DYNLT3: variants seen among roughly 807,000 people sequenced by gnomAD.
The protein encoded by DYNLT3 is protein 91/23.
A neutral mutation model predicts 11.0 loss-of-function variants in DYNLT3; 4 were observed. That is an observed-to-expected ratio of 0.36 (90% CI 0.18 to 0.83). DYNLT3 has a LOEUF of 0.83. Among genes scored for constraint, DYNLT3 ranks in the 40% least tolerant of loss-of-function variants. The probability of loss-of-function intolerance (pLI) is 0.47; values close to 1 mark genes in which losing one functional copy is unlikely to be tolerated. For synonymous variants in DYNLT3, 37 were observed against 31.2 expected, an observed-to-expected ratio of 1.18 and a Z score of -0.61; for missense variants, 91 against 91.1, an observed-to-expected ratio of 1.00 and a Z score of 0.01.
At chrX:37,840,977 T>C (rs762040898) in intron 4 of DYNLT3, 51 bp downstream of exon 4, 2 of 1,158,649 alleles carry the variant, frequency 1.7e-6, no homozygotes, top group East Asian at 3.0e-5. Flanking sequence ...AAAGTGCAGT[T>C]TGACTTTGCT....
chrX:37,841,760 G>C, intron 3 of DYNLT3, 22 bp downstream of exon 3: 1 of 1,146,552 alleles, frequency 8.7e-7, no homozygotes, highest in Non-Finnish European at 1.2e-6. Flanking sequence ...GTGAACTAGT[G>C]AGGAAGGATA....
At chrX:37,845,128 C>G (rs745603343) in intron 2 of DYNLT3, among the ~76,000 whole-genome samples, 110 of 112,009 alleles carry the variant, frequency 9.8e-4, no homozygotes, top group African/African-American at 3.4e-3. Context: ...ACCTCCACTC[C>G]CTCTTCCACC....
Position 37,841,003 on chromosome X carries a change from T to C in DYNLT3, c.274+25A>G. ...TGACTTTGCTAAAAGTTGGATTTTG[T>C]GTAAATCAGCTTAAGATCTCTTACC... On this transcript the variant is annotated intron_variant, in intron 4 of 4. Coordinates refer to ENST00000378578, the MANE Select transcript of DYNLT3 (RefSeq NM_006520.3). 3 of 1,205,508 alleles carry C rather than the reference T, an allele frequency of 2.5e-6. No individual in the cohort carries two copies. The South Asian group carries it at 5.3e-5, about 21-fold the overall frequency.
rs998562275 is a variant in DYNLT3 at position 37,844,010 on chromosome X, T to C, written c.73-2105A>G. The stretch of plus-strand genomic sequence containing the variant: ...TAACCTGTAGCAAAGCTGAGTTTCT[T>C]TGCAGTCTCATATTTCATATAAAAA... On this transcript the variant is annotated intron_variant, in intron 2 of 4. Coordinates refer to ENST00000378578, the MANE Select transcript of DYNLT3 (RefSeq NM_006520.3). Among the ~76,000 whole-genome samples, 9 of 111,959 alleles carry C rather than the reference T, an allele frequency of 8.0e-5. No individual in the cohort carries two copies. The East Asian group carries it at 1.9e-3, about 24-fold the overall frequency.
chrX:37,842,635 T>G (rs1186638001), intron 2 of DYNLT3, among the ~76,000 whole-genome samples: 1 of 111,713 alleles, frequency 9.0e-6, no homozygotes, highest in Non-Finnish European at 1.9e-5. Context: ...TAAGGCCTAC[T>G]TTGACACCTA....
Position 37,839,361 on chromosome X carries a change from T to G in DYNLT3, c.*1214A>C, listed in dbSNP as rs1930098763. 1 of 112,089 alleles carries G rather than the reference T, an allele frequency of 8.9e-6. No individual in the cohort carries two copies. Among genetic ancestry groups the G allele is most frequent in the African/African-American group, 3.3e-5 (1 of 30,769 alleles). 9.2% of individuals were successfully genotyped at this position (112,089 alleles called of 1,213,427 possible). On this transcript the variant is annotated 3_prime_UTR_variant, in exon 5 of 5. Transcript: ENST00000378578. ...GTGTACCCTAATTTTTCATCTATTT[T>G]CTTAATAAATTTAATTACATTTCAT...
chrX:37,846,289 T>G (rs201856049), intron 2 of DYNLT3, 28 bp downstream of exon 2: 51 of 1,201,688 alleles, frequency 4.2e-5, no homozygotes, highest in Non-Finnish European at 4.4e-5. Flanking sequence ...TGCAGCAAGC[T>G]TCAAGAGAAA....
chrX:37,845,342 A>G (rs1398829140), intron 2 of DYNLT3, among the ~76,000 whole-genome samples: 5 of 112,349 alleles, frequency 4.5e-5, no homozygotes, highest in African/African-American at 1.6e-4. Flanking sequence ...CCTGGGTGTC[A>G]AAAAATACCT....
Position 37,839,505 on chromosome X carries a change from T to C in DYNLT3, c.*1070A>G, listed in dbSNP as rs1930101613. The C allele has an allele frequency of 8.9e-6, 1 of 112,532 alleles. No individual in the cohort carries two copies. The highest frequency in any genetic ancestry group is 3.6e-4 in the South Asian group (1 of 2,748). The allele number at this position is 112,532 out of a possible 1,213,427, so 9.3% of individuals were successfully genotyped here. On this transcript the variant is annotated 3_prime_UTR_variant, in exon 5 of 5. Coordinates refer to ENST00000378578, the MANE Select transcript of DYNLT3 (RefSeq NM_006520.3). ...TTACAGATGGTTGTAACTAAAGCAATGACAAAATTTACTACTTGTATAGGT... is the reference window on the plus strand; with the variant it reads ...TTACAGATGGTTGTAACTAAAGCAACGACAAAATTTACTACTTGTATAGGT...
Position 37,840,045 on chromosome X carries a change from GTTA to G in DYNLT3, c.*527_*529del, listed in dbSNP as rs1374729842. On this transcript the variant is annotated 3_prime_UTR_variant, in exon 5 of 5. Coordinates refer to ENST00000378578, the MANE Select transcript of DYNLT3 (RefSeq NM_006520.3). ...AAAAGTAAACAAGTTAATCATAGTTGTTACTATACTATTAGTTGATAGAAAATT... is the reference window on the plus strand; with the variant it reads ...AAAAGTAAACAAGTTAATCATAGTTGCTATACTATTAGTTGATAGAAAATT... 8 of 79,472 alleles carry G rather than the reference GTTA, an allele frequency of 1.0e-4. No homozygotes were observed. Among genetic ancestry groups the G allele is most frequent in the African/African-American group, 4.2e-4 (8 of 19,032 alleles). 6.5% of individuals were successfully genotyped at this position (79,472 alleles called of 1,213,427 possible).
intron 2 of DYNLT3, among the ~76,000 whole-genome samples, chrX:37,846,055 C>T (rs769037738): frequency 1.8e-5 from 2 of 111,568 alleles, no homozygotes; most frequent in African/African-American, 3.3e-5. Context: ...CCTGTAGACC[C>T]AGCTACTCGG....
intron 2 of DYNLT3, among the ~76,000 whole-genome samples, chrX:37,845,950 C>T (rs1930259390): frequency 8.9e-6 from 1 of 112,208 alleles, no homozygotes; most frequent in Non-Finnish European, 1.9e-5. Context: ...GCGGGTGGAT[C>T]ACCGGAGGTC....
At position 37,841,856 on chromosome X, in the gene DYNLT3, T is replaced by C; in HGVS notation, c.122A>G (p.Asn41Ser). 8.6e-7 allele frequency: 1 copy of C among 1,159,299 alleles called. No individual in the cohort carries two copies. The highest frequency in any genetic ancestry group is 1.2e-6 in the Non-Finnish European group (1 of 860,032). Residue 41 changes from asparagine (N) to serine (S), a missense_variant, in exon 3 of 5, where the codon AAC (asparagine) becomes AGC (serine). Physicochemically the swap from Asn to Ser is conservative, Grantham distance 46. Coordinates refer to ENST00000378578, the MANE Select transcript of DYNLT3 (RefSeq NM_006520.3). ...TTCCACTATGCTTGCAGTCCACTGG[T>C]TGATGTTGTTGTGATTATAATCTTC... ...GGEDYNHNNI[N>S]QWTASIVEQS...
intron 2 of DYNLT3, 106 bp downstream of exon 2, chrX:37,846,211 T>C: frequency 1.3e-6 from 1 of 795,398 alleles, no homozygotes; most frequent in Non-Finnish European, 1.8e-6. Context: ...AAAATATTCT[T>C]CTTTTAACAG....
intron 2 of DYNLT3, among the ~76,000 whole-genome samples, chrX:37,843,590 G>A (rs1476964135): frequency 8.9e-6 from 1 of 111,782 alleles, no homozygotes; most frequent in African/African-American, 3.2e-5. Context: ...TACTCGCTGG[G>A]TATCTTAAAT....
At chrX:37,847,257 A>G in intron 1 of DYNLT3, 2 of 928,893 alleles carry the variant, frequency 2.2e-6, no homozygotes, top group Non-Finnish European at 2.9e-6. Flanking sequence ...CCACCGTCTG[A>G]TCCGCGCGCT....
Position 37,841,045 on chromosome X carries a change from C to G in DYNLT3, c.257G>C (p.Trp86Ser), listed in dbSNP as rs777343911. Residue 86 changes from tryptophan to serine, a missense_variant, in exon 4 of 5, where the codon TGG becomes TCG. Coordinates refer to ENST00000378578, the MANE Select transcript of DYNLT3 (RefSeq NM_006520.3). ...YGFHTASSCF[W>S]DTTSDGTCTV... ...TCTCTTACCATCAGATGTGGTATCC[C>G]AAAAACAGGAGCTGGCTGTGTGAAA... 2.5e-6 allele frequency: 3 copies of G among 1,210,066 alleles called. No individual in the cohort carries two copies. Among genetic ancestry groups the G allele is most frequent in the Admixed American group, 2.2e-5 (1 of 45,837 alleles).
rs745686920 is a variant in DYNLT3 at position 37,843,909 on chromosome X, T to A, written c.73-2004A>T. On this transcript the variant is annotated intron_variant, in intron 2 of 4. Coordinates refer to ENST00000378578, the MANE Select transcript of DYNLT3 (RefSeq NM_006520.3). ...GTTGCTCATTCTCAGGCATTTCCAATGTCTCAATGGAAATGTTTCAATGGC... is the reference window on the plus strand; with the variant it reads ...GTTGCTCATTCTCAGGCATTTCCAAAGTCTCAATGGAAATGTTTCAATGGC... Among the ~76,000 whole-genome samples the A allele has an allele frequency of 6.3e-5, 7 of 111,557 alleles. No homozygotes were observed. The East Asian group carries it at 2.0e-3, about 31-fold the overall frequency.
At chrX:37,840,803 TATATAC>T (rs200714707) in intron 4 of DYNLT3, 152 bp from the exon 5 acceptor site, 17,182 of 329,132 alleles carry the variant, frequency 0.052, 596 homozygotes, top group African/African-American at 0.24. Flanking sequence ...TATATATATA[TATATAC>T]ACATACATTT....
Sources: allele counts gnomAD v4.1 joint callset (sites outside exome capture counted in the v4.1 genomes callset), GRCh38; gene constraint gnomAD v4.1.1; transcripts MANE v1.5; gene names NCBI Gene and HGNC (gene_info 2026-07-23, HGNC 2026-07-21).